FSTL4: variants seen among roughly 807,000 people sequenced by gnomAD.
FSTL4 encodes follistatin like 4.
FSTL4 carries 28 observed loss-of-function variants against 78.2 expected under a neutral mutation model. That is an observed-to-expected ratio of 0.36 (90% CI 0.27 to 0.49). The LOEUF is 0.49. Ranked by LOEUF, FSTL4 falls within the 20% of genes least tolerant of loss-of-function variation. The pLI, the probability that FSTL4 is intolerant of heterozygous loss-of-function variation, is 0.98. For missense variants in FSTL4, 922 were observed against 1,084.9 expected, an observed-to-expected ratio of 0.85 and a Z score of 2.11; for synonymous variants, 422 against 440.5, an observed-to-expected ratio of 0.96 and a Z score of 0.53.
chr5:133,387,042 G>C (rs1268092349), intron 4 of FSTL4, among the ~76,000 whole-genome samples: 2 of 152,160 alleles, frequency 1.3e-5, no homozygotes, highest in Non-Finnish European at 2.9e-5. Context: ...CTGATCAGTT[G>C]CAAGTGCCAA....
chr5:133,465,326 C>T (rs1325151350), intron 3 of FSTL4, among the ~76,000 whole-genome samples: 1 of 152,210 alleles, frequency 6.6e-6, no homozygotes, highest in Non-Finnish European at 1.5e-5. Context: ...CCTGATTTAA[C>T]CCATATTAGT....
At chr5:133,342,667 C>G (rs1754607912) in intron 4 of FSTL4, among the ~76,000 whole-genome samples, 1 of 152,164 alleles carries the variant, frequency 6.6e-6, no homozygotes, top group African/African-American at 2.4e-5. Flanking sequence ...ACCCCAGACA[C>G]AGGGCAAATG....
chr5:133,682,343 C>A, the FSTL4 span, among the ~76,000 whole-genome samples: 1 of 152,316 alleles, frequency 6.6e-6, no homozygotes, highest in African/African-American at 2.4e-5. Context: ...ATCATAGCAC[C>A]CATCTCACTG....
chr5:133,731,710 G>A, the FSTL4 span, among the ~76,000 whole-genome samples: 1 of 152,072 alleles, frequency 6.6e-6, no homozygotes, highest in Non-Finnish European at 1.5e-5. Context: ...AGGACAGAGG[G>A]GCTGCCGGCC....
At chr5:133,269,904 G>A (rs1752730566) in intron 6 of FSTL4, among the ~76,000 whole-genome samples, 4 of 152,198 alleles carry the variant, frequency 2.6e-5, no homozygotes, top group African/African-American at 9.7e-5. Context: ...ATCTGTTGCT[G>A]CCTATCCAGT....
intron 2 of FSTL4, among the ~76,000 whole-genome samples, chr5:133,593,857 C>T (rs1465821362): frequency 6.6e-6 from 1 of 152,154 alleles, no homozygotes; most frequent in Non-Finnish European, 1.5e-5. Context: ...CTTCTGCTAA[C>T]TTGGAATCCA....
chr5:133,464,696 C>T (rs1757667766), intron 3 of FSTL4, among the ~76,000 whole-genome samples: 1 of 152,222 alleles, frequency 6.6e-6, no homozygotes, highest in Admixed American at 6.5e-5. Context: ...AAAACTTGGT[C>T]CCTGGACCTG....
chr5:133,672,541 T>A, the FSTL4 span, among the ~76,000 whole-genome samples: 1 of 152,196 alleles, frequency 6.6e-6, no homozygotes, highest in African/African-American at 2.4e-5. Context: ...ATAAATGAAC[T>A]TTGTCCAAAG....
chr5:133,538,160 T>C (rs562466643), intron 3 of FSTL4, among the ~76,000 whole-genome samples: 1 of 152,250 alleles, frequency 6.6e-6, no homozygotes, highest in South Asian at 2.1e-4. Flanking sequence ...GGATCACAGA[T>C]TGCATTTAGT....
chr5:133,229,418 G>C (rs1464808686), intron 8 of FSTL4, among the ~76,000 whole-genome samples: 1 of 152,134 alleles, frequency 6.6e-6, no homozygotes, highest in Admixed American at 6.5e-5. Flanking sequence ...AGCTACTTGG[G>C]AGGCTGAGAT....
the FSTL4 span, among the ~76,000 whole-genome samples, chr5:133,746,101 A>C: frequency 1.3e-5 from 2 of 152,238 alleles, no homozygotes; most frequent in Non-Finnish European, 2.9e-5. Context: ...AAAGAAAATT[A>C]ATATTAAGGA....
chr5:133,617,530 T>C (rs113774558), upstream of FSTL4, among the ~76,000 whole-genome samples: 7 of 152,252 alleles, frequency 4.6e-5, no homozygotes, highest in African/African-American at 1.4e-4. Flanking sequence ...CTTGTTTCCC[T>C]GGATGGTCTC....
chr5:133,617,053 C>G (rs1331619202), upstream of FSTL4, among the ~76,000 whole-genome samples: 1 of 152,168 alleles, frequency 6.6e-6, no homozygotes, highest in Non-Finnish European at 1.5e-5. Context: ...GTAATCCCAG[C>G]TCTTTGGGAG....
the FSTL4 span, among the ~76,000 whole-genome samples, chr5:133,747,894 A>G: frequency 6.6e-6 from 1 of 152,158 alleles, no homozygotes; most frequent in African/African-American, 2.4e-5. Context: ...TGATATACTC[A>G]GTTTTGAAAA....
intron 4 of FSTL4, among the ~76,000 whole-genome samples, chr5:133,335,100 C>T (rs1027194893): frequency 2.0e-5 from 3 of 152,206 alleles, no homozygotes; most frequent in Non-Finnish European, 4.4e-5. Context: ...TGTGCTGACA[C>T]GGCACCACCT....
intron 3 of FSTL4, among the ~76,000 whole-genome samples, chr5:133,536,573 T>C (rs544968637): frequency 2.6e-4 from 39 of 152,188 alleles, no homozygotes; most frequent in African/African-American, 9.1e-4. Flanking sequence ...AAAATTAACT[T>C]ATGAATAGAA....
chr5:133,484,375 T>C (rs544031698), intron 3 of FSTL4, among the ~76,000 whole-genome samples: 2 of 152,334 alleles, frequency 1.3e-5, no homozygotes, highest in East Asian at 3.9e-4. Context: ...GAGTTTTTCT[T>C]CACTCGGTTT....
the FSTL4 span, among the ~76,000 whole-genome samples, chr5:133,732,241 G>A: frequency 6.6e-6 from 1 of 152,198 alleles, no homozygotes; most frequent in Non-Finnish European, 1.5e-5. Flanking sequence ...GGGGAGGTGT[G>A]TGGTGCAGGT....
chr5:133,673,416 T>A, the FSTL4 span, among the ~76,000 whole-genome samples: 1 of 152,190 alleles, frequency 6.6e-6, no homozygotes, highest in African/African-American at 2.4e-5. Flanking sequence ...GGCTCTGCTA[T>A]CCTGGCTGTT....
Sources: gnomAD v4.1 joint callset for allele counts (sites outside exome capture counted in the v4.1 genomes callset) on GRCh38, gnomAD v4.1.1 for gene constraint, MANE v1.5 for transcripts, NCBI Gene and HGNC (gene_info 2026-07-23, HGNC 2026-07-21) for gene names.